ARNT2: variants seen among roughly 807,000 people sequenced by gnomAD.
ARNT2 encodes the protein ARNT protein 2.
ARNT2 carries 36 observed loss-of-function variants against 91.7 expected under a neutral mutation model. That is an observed-to-expected ratio of 0.39 (90% CI 0.30 to 0.52). The LOEUF (loss-of-function observed/expected upper bound fraction) is 0.52. Ranked by LOEUF, ARNT2 falls within the 20% of genes least tolerant of loss-of-function variation. The probability of loss-of-function intolerance (pLI) is 0.72; values close to 1 mark genes in which losing one functional copy is unlikely to be tolerated. For synonymous variants in ARNT2, 365 were observed against 347.1 expected (o/e 1.05, Z -0.57); for missense variants, 775 against 939.3 (o/e 0.83, Z 2.29).
chr15:80,514,102 G>GT, intron 7 of ARNT2, 126 bp downstream of exon 7: 8 of 1,017,184 alleles, frequency 7.9e-6, no homozygotes, highest in Non-Finnish European at 1.2e-5. Context: ...AGACATCAGG[G>GT]TGGCAGTGGC....
At position 80,588,025 on chromosome 15, in the gene ARNT2, G is replaced by A. The variant is rs150896338; in HGVS notation, c.1919-3543G>A. On this transcript the variant is annotated intron_variant, in intron 17 of 18. Transcript: ENST00000303329. ...TGGACTACTGTTGGAGGGAGATCAC[G>A]CCAGTAGCTGTGTGGTTATGGGGGC... Among the ~76,000 whole-genome samples, 831 of 152,256 alleles carry A rather than the reference G, an allele frequency of 5.5e-3. 33 individuals carry two copies. Among genetic ancestry groups the A allele is most frequent in the Admixed American group, 0.045 (687 of 15,306 alleles).
At chr15:80,504,771 G>GA (rs547655288) in intron 5 of ARNT2, among the ~76,000 whole-genome samples, 1,512 of 96,828 alleles carry the variant, frequency 0.016, 17 homozygotes, top group East Asian at 0.073. Context: ...CTGTCTCAAA[G>GA]AAAAAAAAAA....
At position 80,580,251 on chromosome 15, in the gene ARNT2, G is replaced by A; in HGVS notation, c.1614-160G>A. ...GAAGGGAGAGGAGGACGGCCAAGGG[G>A]CTTTGAGGCTCACGATGTGTGAGTC... On this transcript the variant is annotated intron_variant, in intron 15 of 18. Transcript: ENST00000303329. 5.4e-6 allele frequency: 5 copies of A among 920,950 alleles called. No individual in the cohort carries two copies. The South Asian group carries it at 7.4e-5, about 14-fold the overall frequency. 57.0% of individuals were successfully genotyped at this position (920,950 alleles called of 1,614,324 possible). A position where few individuals can be genotyped will look rare whatever the true frequency, so the allele number is the denominator to read the frequency against.
At position 80,594,807 on chromosome 15, in the gene ARNT2, C is replaced by T. The variant is rs989621989; in HGVS notation, c.*1109C>T. 7 of 152,298 alleles carry T rather than the reference C, an allele frequency of 4.6e-5. No homozygotes were observed. The highest frequency in any genetic ancestry group is 1.7e-4 in the African/African-American group (7 of 41,446). The allele number at this position is 152,298 out of a possible 1,614,324, so 9.4% of individuals were successfully genotyped here. A position where few individuals can be genotyped will look rare whatever the true frequency, so the allele number is the denominator to read the frequency against. ...AGGGTAGGACGCCCAGGCCTTCTCACATGGGCACCATGAAACACTTTCTTC... is the reference window on the plus strand; with the variant it reads ...AGGGTAGGACGCCCAGGCCTTCTCATATGGGCACCATGAAACACTTTCTTC... On this transcript the variant is annotated 3_prime_UTR_variant, in exon 19 of 19. Transcript: ENST00000303329.
chr15:80,458,240 A>G (rs1000581105), intron 3 of ARNT2, among the ~76,000 whole-genome samples: 2 of 152,120 alleles, frequency 1.3e-5, no homozygotes, highest in African/African-American at 4.8e-5. Flanking sequence ...TTAAGGATTC[A>G]TTTTAAAAAG....
Position 80,593,163 on chromosome 15 carries a change from C to T in ARNT2, c.2056-437C>T, listed in dbSNP as rs1052329957. 5.3e-5 allele frequency among the ~76,000 whole-genome samples: 8 copies of T among 152,224 alleles called. No individual in the cohort carries two copies. The East Asian group carries it at 7.7e-4, about 15-fold the overall frequency. ...CTAACCATTCAGGGATTCGTCCCTG[C>T]GCTAAGATAAACATGGAAGACAGGC... On this transcript the variant is annotated intron_variant, in intron 18 of 18. Transcript: ENST00000303329.
At chr15:80,514,076 G>A in intron 7 of ARNT2, 100 bp downstream of exon 7, 1 of 1,198,818 alleles carries the variant, frequency 8.3e-7, no homozygotes, top group Non-Finnish European at 1.2e-6. Context: ...TTAGTGTGGT[G>A]AGGACCAAGA....
intron 8 of ARNT2, among the ~76,000 whole-genome samples, chr15:80,527,009 A>C (rs1305759784): frequency 6.6e-6 from 1 of 152,222 alleles, no homozygotes; most frequent in African/African-American, 2.4e-5. Flanking sequence ...GCATGAGTAC[A>C]TCAGGTCTCT....
At chr15:80,520,520 A>T (rs1039882822) in intron 8 of ARNT2, among the ~76,000 whole-genome samples, 4 of 152,090 alleles carry the variant, frequency 2.6e-5, no homozygotes, top group African/African-American at 9.7e-5. Flanking sequence ...GTGCACCTAG[A>T]CATTTAAGAG....
intron 5 of ARNT2, among the ~76,000 whole-genome samples, chr15:80,489,695 G>A (rs1443660243): frequency 1.3e-5 from 2 of 152,310 alleles, no homozygotes; most frequent in South Asian, 4.1e-4. Flanking sequence ...TTCTACACTG[G>A]AACAGTGCAC....
chr15:80,442,384 A>C (rs1027287123), intron 1 of ARNT2, among the ~76,000 whole-genome samples: 3 of 152,200 alleles, frequency 2.0e-5, no homozygotes, highest in Non-Finnish European at 1.5e-5. Context: ...CACAGCATGC[A>C]TTTCTCAGTG....
chr15:80,450,640 T>A (rs1166595505), intron 1 of ARNT2, among the ~76,000 whole-genome samples: 1 of 152,216 alleles, frequency 6.6e-6, no homozygotes, highest in Non-Finnish European at 1.5e-5. Flanking sequence ...AATTCTGTGG[T>A]TAAACTGTTT....
chr15:80,536,017 C>T (rs1897817625), intron 8 of ARNT2, among the ~76,000 whole-genome samples: 1 of 152,174 alleles, frequency 6.6e-6, no homozygotes, highest in Non-Finnish European at 1.5e-5. Context: ...TTACACCGAC[C>T]CAATCCAATC....
intron 8 of ARNT2, among the ~76,000 whole-genome samples, chr15:80,541,966 C>A (rs1006142257): frequency 6.6e-6 from 1 of 152,232 alleles, no homozygotes; most frequent in Non-Finnish European, 1.5e-5. Context: ...ATCTCTGTGG[C>A]TGCTCGTCAG....
intron 8 of ARNT2, among the ~76,000 whole-genome samples, chr15:80,538,679 A>G (rs1027052190): frequency 6.6e-6 from 1 of 152,114 alleles, no homozygotes; most frequent in Admixed American, 6.5e-5. Context: ...TTAACTAATG[A>G]AAATAGAAAA....
chr15:80,462,200 T>C (rs1161229794), intron 3 of ARNT2, among the ~76,000 whole-genome samples: 1 of 126,088 alleles, frequency 7.9e-6, no homozygotes, highest in Non-Finnish European at 1.7e-5. Flanking sequence ...AATGGACCCT[T>C]AGATTGATAC....
rs139487582 is a variant in ARNT2 at position 80,564,611 on chromosome 15, C to G, written c.1316+1372C>G. On this transcript the variant is annotated intron_variant, in intron 12 of 18. Coordinates refer to ENST00000303329, the MANE Select transcript of ARNT2 (RefSeq NM_014862.4). ...TTGCATGATGCTGAGGCTTGGACTTCAGCTGAATCCATCACCCAAAGGGTG... is the reference window on the plus strand; with the variant it reads ...TTGCATGATGCTGAGGCTTGGACTTGAGCTGAATCCATCACCCAAAGGGTG... Among the ~76,000 whole-genome samples the G allele has an allele frequency of 8.3e-4, 127 of 152,226 alleles. 1 individual carries two copies. Among genetic ancestry groups the G allele is most frequent in the Admixed American group, 2.7e-3 (41 of 15,290 alleles).
intron 2 of ARNT2, among the ~76,000 whole-genome samples, chr15:80,451,247 G>A (rs1896385323): frequency 6.6e-6 from 1 of 152,216 alleles, no homozygotes; most frequent in South Asian, 2.1e-4. Context: ...GCTGGGCCTG[G>A]CTCAGGCCAT....
intron 12 of ARNT2, among the ~76,000 whole-genome samples, chr15:80,570,495 C>CT (rs779551625): frequency 1.5e-3 from 225 of 151,530 alleles, no homozygotes; most frequent in Non-Finnish European, 2.5e-3. Flanking sequence ...GAAAGTAATG[C>CT]TTTTTTTTTC....
Sources: gnomAD v4.1 joint callset for allele counts (sites outside exome capture counted in the v4.1 genomes callset) on GRCh38, gnomAD v4.1.1 for gene constraint, MANE v1.5 for transcripts, NCBI Gene and HGNC (gene_info 2026-07-23, HGNC 2026-07-21) for gene names.